Variants in ADGRL2 observed in about 807,000 individuals in gnomAD.
The protein encoded by ADGRL2 is adhesion G protein-coupled receptor L2, also known as calcium-independent alpha-latrotoxin receptor 2.
ADGRL2 carries 44 observed loss-of-function variants against 157.4 expected under a neutral mutation model. The ratio of observed to expected loss-of-function variants is 0.28; its 90% CI spans 0.22 to 0.36. ADGRL2 has a LOEUF of 0.36. ADGRL2 is among the 10% of genes least tolerant of loss of function. The probability of loss-of-function intolerance (pLI) is 1.00; values close to 1 mark genes in which losing one functional copy is unlikely to be tolerated. For synonymous variants in ADGRL2, 585 were observed against 624.7 expected (o/e 0.94, Z 0.95); for missense variants, 1,510 against 1,768.9 (o/e 0.85, Z 2.63).
At chr1:81,900,737 T>C (rs1249051692) in intron 2 of ADGRL2, among the ~76,000 whole-genome samples, 1 of 152,196 alleles carries the variant, frequency 6.6e-6, no homozygotes, top group African/African-American at 2.4e-5. Flanking sequence ...AGTAAATAAC[T>C]GAGTCTGACT....
At chr1:81,395,023 C>T (rs748957806) in intron 1 of ADGRL2, among the ~76,000 whole-genome samples, 53 of 152,006 alleles carry the variant, frequency 3.5e-4, no homozygotes, top group Non-Finnish European at 6.6e-4. Flanking sequence ...TTTAGCCTCC[C>T]GAGTAGCTGG....
chr1:81,931,939 C>T (rs1057472321), intron 3 of ADGRL2, among the ~76,000 whole-genome samples: 1 of 152,134 alleles, frequency 6.6e-6, no homozygotes, highest in African/African-American at 2.4e-5. Flanking sequence ...AGCGCCTGAC[C>T]CCGAAATTGT....
At chr1:81,461,753 T>C (rs1257888013) in intron 2 of ADGRL2, among the ~76,000 whole-genome samples, 1 of 152,094 alleles carries the variant, frequency 6.6e-6, no homozygotes, top group Non-Finnish European at 1.5e-5. Flanking sequence ...AAATCTCCTA[T>C]ATAAAGATAG....
intron 4 of ADGRL2, among the ~76,000 whole-genome samples, chr1:81,941,413 A>G (rs1269986001): frequency 6.6e-6 from 1 of 151,534 alleles, no homozygotes; most frequent in African/African-American, 2.4e-5. Flanking sequence ...TTATCTAGGA[A>G]TAGAAAATAA....
At chr1:81,833,953 T>G (rs1447697228) in intron 1 of ADGRL2, among the ~76,000 whole-genome samples, 2 of 152,166 alleles carry the variant, frequency 1.3e-5, no homozygotes, top group Non-Finnish European at 2.9e-5. Flanking sequence ...GGTTTGTGGT[T>G]TATAGGAACA....
intron 2 of ADGRL2, among the ~76,000 whole-genome samples, chr1:81,507,111 G>A (rs1298351494): frequency 6.6e-6 from 1 of 151,938 alleles, no homozygotes; most frequent in African/African-American, 2.4e-5. Flanking sequence ...ATAGCAAGGG[G>A]GAAAGGTTGC....
intron 18 of ADGRL2, chr1:81,981,044 T>C (rs1028589351): frequency 2.3e-6 from 1 of 438,704 alleles, no homozygotes; most frequent in Non-Finnish European, 4.3e-6. Flanking sequence ...TTATAAAATA[T>C]ATAAATGCTT....
chr1:81,339,590 T>C (rs1219834190), intron 1 of ADGRL2, among the ~76,000 whole-genome samples: 2 of 152,184 alleles, frequency 1.3e-5, no homozygotes, highest in Non-Finnish European at 2.9e-5. Context: ...TTTTGTTTGT[T>C]TGTTTGTTTG....
chr1:81,910,926 T>A (rs1422760196), intron 3 of ADGRL2, among the ~76,000 whole-genome samples: 5 of 151,652 alleles, frequency 3.3e-5, no homozygotes, highest in Admixed American at 2.0e-4. Flanking sequence ...AAGCCCCCCT[T>A]CCTTTTTTTT....
upstream of ADGRL2, among the ~76,000 whole-genome samples, chr1:81,697,667 C>T (rs765083952): frequency 2.6e-5 from 4 of 152,074 alleles, no homozygotes; most frequent in Non-Finnish European, 5.9e-5. Flanking sequence ...ATCCAAATAT[C>T]CCAAATAATT....
chr1:81,936,606 C>G (rs1420013675), intron 3 of ADGRL2, 122 bp from the exon 4 acceptor site: 2 of 524,408 alleles, frequency 3.8e-6, no homozygotes, highest in Admixed American at 6.4e-5. Context: ...CTTAACATCA[C>G]TTGAATTTTT....
At chr1:81,535,662 G>T (rs977139610) in intron 2 of ADGRL2, among the ~76,000 whole-genome samples, 2 of 152,092 alleles carry the variant, frequency 1.3e-5, no homozygotes, top group Non-Finnish European at 2.9e-5. Flanking sequence ...TTTACTTGGG[G>T]TTATATGTTT....
At position 81,479,391 on chromosome 1, in the gene ADGRL2, G is replaced by A. The variant is rs543096402; in HGVS notation, c.-248+34302G>A. Among the ~76,000 whole-genome samples, 6 of 152,122 alleles carry A rather than the reference G, an allele frequency of 3.9e-5. No homozygotes were observed. The South Asian group carries it at 1.2e-3, about 32-fold the overall frequency. ...CCAGCTGCTCGGGAGGCTGAGGCAGGAGAATCACTTGAACCCAGGATGCAG... is the reference window on the plus strand; with the variant it reads ...CCAGCTGCTCGGGAGGCTGAGGCAGAAGAATCACTTGAACCCAGGATGCAG... On this transcript the variant is annotated intron_variant, in intron 2 of 24. Coordinates refer to the ADGRL2 transcript ENST00000370721.
intron 3 of ADGRL2, among the ~76,000 whole-genome samples, chr1:81,919,364 A>C (rs1572124126): frequency 6.6e-6 from 1 of 152,108 alleles, no homozygotes; most frequent in East Asian, 1.9e-4. Context: ...GATTTTAAAT[A>C]AATTTCACTA....
intron 1 of ADGRL2, among the ~76,000 whole-genome samples, chr1:81,815,542 A>G (rs987440062): frequency 6.6e-6 from 1 of 151,794 alleles, no homozygotes; most frequent in Non-Finnish European, 1.5e-5. Flanking sequence ...GCACTTTTCT[A>G]TCATTGTATT....
At chr1:81,893,424 A>G (rs1416973612) in intron 2 of ADGRL2, among the ~76,000 whole-genome samples, 1 of 151,824 alleles carries the variant, frequency 6.6e-6, no homozygotes, top group Admixed American at 6.6e-5. Context: ...AGGGGAATAA[A>G]CATTTAAAGT....
At chr1:81,692,458 A>G (rs989814511) in intron 3 of ADGRL2, among the ~76,000 whole-genome samples, 7 of 152,210 alleles carry the variant, frequency 4.6e-5, no homozygotes, top group Admixed American at 4.6e-4. Context: ...TGTTAAGCCA[A>G]TTCCTTTGAT....
At chr1:81,636,822 T>C (rs1194282562) in intron 3 of ADGRL2, among the ~76,000 whole-genome samples, 2 of 152,166 alleles carry the variant, frequency 1.3e-5, no homozygotes, top group Non-Finnish European at 2.9e-5. Context: ...TATTTGACCC[T>C]GTAATCCTTT....
intron 3 of ADGRL2, among the ~76,000 whole-genome samples, chr1:81,663,791 CA>C (rs1448080282): frequency 2.0e-5 from 3 of 152,134 alleles, no homozygotes; most frequent in African/African-American, 4.8e-5. Flanking sequence ...TCATGTTTAG[CA>C]GCATGATAAT....
Sources: allele counts gnomAD v4.1 joint callset (sites outside exome capture counted in the v4.1 genomes callset), GRCh38; gene constraint gnomAD v4.1.1; transcripts MANE v1.5; gene names NCBI Gene and HGNC (gene_info 2026-07-23, HGNC 2026-07-21).